Variants in DSG1 observed in about 807,000 individuals in gnomAD.
DSG1 encodes the protein desmoglein-1.
Under a neutral mutation model 97.5 loss-of-function variants are expected in DSG1, and 39 were observed. That is an observed-to-expected ratio of 0.40 (90% CI 0.31 to 0.52). The LOEUF is 0.52. Ranked by LOEUF, DSG1 falls within the 20% of genes least tolerant of loss-of-function variation. The pLI, the probability that DSG1 is intolerant of heterozygous loss-of-function variation, is 0.53. For synonymous variants in DSG1, 475 were observed against 443.4 expected, an observed-to-expected ratio of 1.07 and a Z score of -0.90; for missense variants, 1,311 against 1,295.4, an observed-to-expected ratio of 1.01 and a Z score of -0.18.
chr18:31,354,241 T>A, intron 14 of DSG1, 56 bp from the exon 15 acceptor site: 4 of 1,470,324 alleles, frequency 2.7e-6, no homozygotes, highest in Non-Finnish European at 3.8e-6. Context: ...AAGGCTGTTC[T>A]ATTATTGTTA....
intron 14 of DSG1, among the ~76,000 whole-genome samples, chr18:31,351,005 T>C (rs2071891221): frequency 1.3e-5 from 2 of 150,130 alleles, no homozygotes; most frequent in Non-Finnish European, 2.9e-5. Context: ...TCTTGCCTTC[T>C]GCTAGCTTTT....
chr18:31,334,055 T>A lies in DSG1; in HGVS notation c.858T>A (p.Asn286Lys), dbSNP rs761869585. ...IEIQENTLNS[N>K]LLEIRVIDLD... ...TTCAAGAAAATACTCTAAATTCAAA[T>A]TTGCTCGAGATTAGAGTAATTGATT... is the stretch of plus-strand genomic sequence containing the variant. Residue 286 changes from asparagine to lysine, a missense_variant, in exon 8 of 15, where the codon AAT (asparagine) becomes AAA (lysine). Around this residue, in one of 3 missense-constraint regions of DSG1, gnomAD observed 1,038 missense variants for 964.6 expected, o/e 1.08. Transcript: ENST00000257192. The A allele has an allele frequency of 2.5e-6, 4 of 1,610,680 alleles. No homozygotes were observed. Among genetic ancestry groups the A allele is most frequent in the Non-Finnish European group, 3.4e-6 (4 of 1,177,318 alleles).
rs1568042320 is a variant in DSG1 at position 31,334,008 on chromosome 18, T to G, written c.820-9T>G. On this transcript the variant is annotated splice_polypyrimidine_tract_variant and intron_variant, in intron 7 of 14. Transcript: ENST00000257192. ...AGTTTGTGCTAAGAGTTTTCACTTC[T>G]TGTTTCAGTATACCATAGAAATTCA... 3.2e-6 allele frequency: 5 copies of G among 1,585,150 alleles called. No individual in the cohort carries two copies. The highest frequency in any genetic ancestry group is 3.5e-6 in the Non-Finnish European group (4 of 1,154,318).
intron 12 of DSG1, 102 bp from the exon 13 acceptor site, chr18:31,343,824 T>A: frequency 8.4e-7 from 1 of 1,193,402 alleles, no homozygotes; most frequent in South Asian, 1.3e-5. Context: ...TATTTTTTTT[T>A]TAGGAAATCT....
Position 31,336,500 on chromosome 18 carries a change from G to T in DSG1, c.1152G>T (p.Val384=). ...VTVLNVIEGP[V]FRPGSKTYVV... is the part of the protein sequence containing the mutation. ...TGTTAAATGTAATTGAAGGCCCAGT[G>T]TTTCGTCCAGGTTCAAAGACATATG... The change falls in exon 9 of 15, where the codon GTG becomes GTT. Residue 384 remains valine (V), a synonymous_variant. Coordinates refer to ENST00000257192, the MANE Select transcript of DSG1 (RefSeq NM_001942.4). 6.2e-7 allele frequency: 1 copy of T among 1,614,012 alleles called. No individual in the cohort carries two copies. Among genetic ancestry groups the T allele is most frequent in the South Asian group, 1.1e-5 (1 of 91,082 alleles).
At position 31,358,971 on chromosome 18, in the gene DSG1, C is replaced by G. The variant is rs767834280; in HGVS notation, c.*3625C>G. On this transcript the variant is annotated 3_prime_UTR_variant, in exon 15 of 15. Coordinates refer to ENST00000257192, the MANE Select transcript of DSG1 (RefSeq NM_001942.4). The stretch of plus-strand genomic sequence containing the variant: ...GTGTAATCTTGTTTGTCTACATTCT[C>G]TCCCCAGTTTAGCTGTATTTGAATT... 2.0e-5 allele frequency among the ~76,000 whole-genome samples: 3 copies of G among 152,260 alleles called. No homozygotes were observed. In the South Asian group the frequency reaches 6.2e-4, roughly 32 times the overall value.
At chr18:31,319,157 C>T (rs2071638396) in intron 1 of DSG1, among the ~76,000 whole-genome samples, 1 of 152,148 alleles carries the variant, frequency 6.6e-6, no homozygotes, top group South Asian at 2.1e-4. Context: ...AGAGATAATA[C>T]TAAGTGCACC....
intron 8 of DSG1, among the ~76,000 whole-genome samples, chr18:31,334,490 A>G (rs568226701): frequency 2.0e-5 from 3 of 152,302 alleles, no homozygotes; most frequent in East Asian, 3.9e-4. Flanking sequence ...TGCTTACAAC[A>G]AAGTATAATT....
rs61730308 is a variant in DSG1, at chr18:31,354,335, A to G, written c.2139A>G (p.Pro713=). ...ACGCAGATGAAGATGAAGGACGCCC[A>G]TCTAATGACTGTTTGCTCATATATG... ...YAYADEDEGR[P]SNDCLLIYDI... is the part of the protein sequence containing the mutation. Residue 713 remains proline (P), a synonymous_variant, in exon 15 of 15, where the codon CCA becomes CCG. Coordinates refer to ENST00000257192, the MANE Select transcript of DSG1 (RefSeq NM_001942.4). 5,162 of 1,614,234 alleles carry G rather than the reference A, an allele frequency of 3.2e-3. 150 individuals carry two copies. The African/African-American group carries it at 0.061, about 19-fold the overall frequency.
At position 31,354,363 on chromosome 18, in the gene DSG1, A is replaced by T; in HGVS notation, c.2167A>T (p.Ile723Phe). The T allele has an allele frequency of 1.9e-6, 3 of 1,614,240 alleles. No homozygotes were observed. The highest frequency in any genetic ancestry group is 2.5e-6 in the Non-Finnish European group (3 of 1,180,038). The change falls in exon 15 of 15, where the codon ATC becomes TTC. Residue 723 changes from isoleucine (I) to phenylalanine (F), a missense_variant. Around this residue, in one of 3 missense-constraint regions of DSG1, gnomAD observed 1,038 missense variants for 964.6 expected, o/e 1.08. Transcript: ENST00000257192. Reference protein sequence around the residue: ...PSNDCLLIYDIEGVGSPAGSV... With the variant: ...PSNDCLLIYDFEGVGSPAGSV... The stretch of plus-strand genomic sequence containing the variant: ...TAATGACTGTTTGCTCATATATGAC[A>T]TCGAAGGTGTAGGTTCCCCTGCTGG...
chr18:31,356,161 G>A lies in DSG1; in HGVS notation c.*815G>A, dbSNP rs2071956454. The A allele has an allele frequency of 6.6e-6, 1 of 152,132 alleles. No homozygotes were observed. Among genetic ancestry groups the A allele is most frequent in the East Asian group, 1.9e-4 (1 of 5,192 alleles). 9.4% of individuals were successfully genotyped at this position (152,132 alleles called of 1,614,324 possible). A position where few individuals can be genotyped will look rare whatever the true frequency, so the allele number is the denominator to read the frequency against. On this transcript the variant is annotated 3_prime_UTR_variant, in exon 15 of 15. Coordinates refer to ENST00000257192, the MANE Select transcript of DSG1 (RefSeq NM_001942.4). ...TCTTTCCCTTTACCACTGTGGTTTT[G>A]ACTTAAGAAAGCAAAACTCACTAAG... is the stretch of plus-strand genomic sequence containing the variant.
chr18:31,331,678 A>C lies in DSG1; in HGVS notation c.518-23A>C, dbSNP rs778599994. 53 of 1,609,694 alleles carry C rather than the reference A, an allele frequency of 3.3e-5. No individual in the cohort carries two copies. The African/African-American group carries it at 5.6e-4, about 17-fold the overall frequency. On this transcript the variant is annotated intron_variant, in intron 5 of 14. Transcript: ENST00000257192. The stretch of plus-strand genomic sequence containing the variant: ...ACAAAAATGTAAATCACCCATTTGC[A>C]ATCAATTTTCCTTAATTTCTAGATA...
At chr18:31,322,239 C>T (rs1448396695) in intron 1 of DSG1, among the ~76,000 whole-genome samples, 2 of 152,226 alleles carry the variant, frequency 1.3e-5, no homozygotes, top group Admixed American at 1.3e-4. Flanking sequence ...CTTATGGTGC[C>T]TTGCACCAGT....
At chr18:31,345,006 A>G (rs1233158264) in intron 13 of DSG1, among the ~76,000 whole-genome samples, 1 of 152,190 alleles carries the variant, frequency 6.6e-6, no homozygotes, top group Non-Finnish European at 1.5e-5. Context: ...TTTCATTAAT[A>G]ACCCCAATGT....
rs1368690909 is a variant in DSG1, at chr18:31,357,344, T to A, written c.*1998T>A. On this transcript the variant is annotated 3_prime_UTR_variant, in exon 15 of 15. Coordinates refer to ENST00000257192, the MANE Select transcript of DSG1 (RefSeq NM_001942.4). ...GACACTTAGGGGGCCACATTAAGGA[T>A]GGGTAATCTTTCCAGGAATAAAGTC... Among the ~76,000 whole-genome samples the A allele has an allele frequency of 3.9e-5, 6 of 152,060 alleles. No individual in the cohort carries two copies. Among genetic ancestry groups the A allele is most frequent in the African/African-American group, 1.4e-4 (6 of 41,436 alleles).
In DSG1 at chr18:31,356,484, G is replaced by T. The variant is rs2071959949; in HGVS notation, c.*1138G>T. 6.6e-6 allele frequency: 1 copy of T among 152,104 alleles called. No individual in the cohort carries two copies. The highest frequency in any genetic ancestry group is 2.4e-5 in the African/African-American group (1 of 41,428). The allele number at this position is 152,104 out of a possible 1,614,324, so 9.4% of individuals were successfully genotyped here. On this transcript the variant is annotated 3_prime_UTR_variant, in exon 15 of 15. Transcript: ENST00000257192. ...TAGAACATGTAAAATGTTTAATGGT[G>T]AAAGTTGGAAAAGAATTCTTCTGTA...
intron 4 of DSG1, among the ~76,000 whole-genome samples, chr18:31,329,403 C>T (rs1182617495): frequency 4.6e-5 from 7 of 152,080 alleles, no homozygotes; most frequent in Admixed American, 6.6e-5. Flanking sequence ...ATTCCTCACA[C>T]AACTTTAATT....
chr18:31,343,133 A>G (rs954472601), intron 11 of DSG1, among the ~76,000 whole-genome samples: 1 of 152,214 alleles, frequency 6.6e-6, no homozygotes, highest in South Asian at 2.1e-4. Context: ...GCTTGTCTCA[A>G]GCTCCTGGGC....
In DSG1 at chr18:31,336,456, T is replaced by C. The variant is rs778888439; in HGVS notation, c.1108T>C (p.Ser370Pro). 1.3e-5 allele frequency: 21 copies of C among 1,613,878 alleles called. No individual in the cohort carries two copies. The highest frequency in any genetic ancestry group is 1.7e-5 in the Non-Finnish European group (20 of 1,179,934). Reference sequence around the variant, plus strand: ...TATGTCTCAATATAAACTGAAAGCATCTGCAATTTCTGTGACTGTGTTAAA... The same window carrying C: ...TATGTCTCAATATAAACTGAAAGCACCTGCAATTTCTGTGACTGTGTTAAA... ...SIMSQYKLKASAISVTVLNVI... is the reference protein window; with the variant it reads ...SIMSQYKLKAPAISVTVLNVI... The change falls in exon 9 of 15, where the codon TCT (serine) becomes CCT (proline). Residue 370 changes from serine to proline, a missense_variant. Coordinates refer to ENST00000257192, the MANE Select transcript of DSG1 (RefSeq NM_001942.4).
Sources: allele counts gnomAD v4.1 joint callset (sites outside exome capture counted in the v4.1 genomes callset), GRCh38; gene constraint gnomAD v4.1.1; regional missense constraint gnomAD v4.1.1; transcripts MANE v1.5; gene names NCBI Gene and HGNC (gene_info 2026-07-23, HGNC 2026-07-21).